The following INPP4B variants were observed in gnomAD, a reference collection of about 807,000 sequenced individuals.
INPP4B encodes inositol polyphosphate 4-phosphatase type II.
Under a neutral mutation model 122.5 loss-of-function variants are expected in INPP4B, and 55 were observed. That is an observed-to-expected ratio of 0.45 (90% confidence interval 0.36 to 0.56). The LOEUF is 0.56. Among genes scored for constraint, INPP4B ranks in the 20% least tolerant of loss-of-function variants. The pLI is 0.00. For missense variants in INPP4B, 1,000 were observed against 1,097.7 expected (o/e 0.91, Z 1.26); for synonymous variants, 403 against 388.7 (o/e 1.04, Z -0.43).
chr4:142,653,514 A>G (rs1753474256), intron 2 of INPP4B, among the ~76,000 whole-genome samples: 1 of 152,226 alleles, frequency 6.6e-6, no homozygotes, highest in African/African-American at 2.4e-5. Context: ...AAAGAACTCC[A>G]ACAAATTTAC....
At chr4:142,347,835 A>G (rs1561903605) in intron 7 of INPP4B, among the ~76,000 whole-genome samples, 2 of 152,008 alleles carry the variant, frequency 1.3e-5, no homozygotes, top group Non-Finnish European at 2.9e-5. Context: ...ACAAATTCTC[A>G]TAAAAATGTT....
In INPP4B at chr4:142,172,150, C is replaced by T. The variant is rs1461511489; in HGVS notation, c.1359+1482G>A. On this transcript the variant is annotated intron_variant, in intron 16 of 25. Coordinates refer to ENST00000262992, the MANE Select transcript of INPP4B (RefSeq NM_001101669.3). ...ATTACTAAGGCATTTGTCTAACAAA[C>T]ATTTTTAAAAAAAAACTTTTAAATA... Among the ~76,000 whole-genome samples the T allele has an allele frequency of 2.0e-5, 3 of 151,854 alleles. No homozygotes were observed. The East Asian group carries it at 5.8e-4, about 29-fold the overall frequency.
At chr4:142,595,604 A>T (rs1005471043) in intron 2 of INPP4B, among the ~76,000 whole-genome samples, 1 of 152,038 alleles carries the variant, frequency 6.6e-6, no homozygotes, top group Non-Finnish European at 1.5e-5. Context: ...ACTATTTTTT[A>T]TTTTACTTTG....
chr4:142,443,273 C>T (rs970842175), intron 3 of INPP4B, among the ~76,000 whole-genome samples: 1 of 152,096 alleles, frequency 6.6e-6, no homozygotes, highest in African/African-American at 2.4e-5. Context: ...ACCCAAATGC[C>T]CATGAGAATG....
intron 1 of INPP4B, among the ~76,000 whole-genome samples, chr4:142,838,289 T>C (rs913692075): frequency 1.3e-5 from 2 of 152,058 alleles, no homozygotes. Flanking sequence ...TTCTGACTCT[T>C]TGGGCTTTTC....
intron 1 of INPP4B, among the ~76,000 whole-genome samples, chr4:142,778,034 A>G (rs973738676): frequency 6.6e-6 from 1 of 152,172 alleles, no homozygotes; most frequent in Non-Finnish European, 1.5e-5. Flanking sequence ...GTAACTGCAC[A>G]GGTCTCAAAA....
intron 23 of INPP4B, among the ~76,000 whole-genome samples, chr4:142,098,801 GAAGA>G (rs1294758746): frequency 2.0e-5 from 3 of 152,076 alleles, no homozygotes; most frequent in Non-Finnish European, 4.4e-5. Flanking sequence ...AGAGTTTAAG[GAAGA>G]GAGATGGGCT....
At chr4:142,675,911 G>C (rs934403372) in intron 2 of INPP4B, among the ~76,000 whole-genome samples, 2 of 152,116 alleles carry the variant, frequency 1.3e-5, no homozygotes, top group Non-Finnish European at 2.9e-5. Context: ...GCAAAAACTG[G>C]AAGTATTCCC....
At chr4:142,127,518 G>C (rs945252706) in intron 18 of INPP4B, among the ~76,000 whole-genome samples, 6 of 151,746 alleles carry the variant, frequency 4.0e-5, no homozygotes, top group Admixed American at 3.9e-4. Flanking sequence ...TAGATTGGAA[G>C]TGGAAACCCA....
chr4:142,116,301 A>T (rs562319394), intron 21 of INPP4B, among the ~76,000 whole-genome samples: 1 of 152,302 alleles, frequency 6.6e-6, no homozygotes, highest in South Asian at 2.1e-4. Context: ...TCAGCTCTGC[A>T]CCAAGCAGAC....
intron 3 of INPP4B, among the ~76,000 whole-genome samples, chr4:142,460,086 A>G (rs988810361): frequency 6.6e-6 from 1 of 152,140 alleles, no homozygotes; most frequent in Non-Finnish European, 1.5e-5. Context: ...AGAACTTGCT[A>G]TATCCAGATA....
intron 2 of INPP4B, among the ~76,000 whole-genome samples, chr4:142,681,509 G>A (rs188806590): frequency 1.3e-5 from 2 of 151,854 alleles, no homozygotes; most frequent in East Asian, 3.9e-4. Flanking sequence ...ATCAAATAAC[G>A]AATTTAAAAG....
At chr4:142,124,981 A>G (rs1342671074) in intron 18 of INPP4B, among the ~76,000 whole-genome samples, 1 of 152,140 alleles carries the variant, frequency 6.6e-6, no homozygotes, top group Non-Finnish European at 1.5e-5. Flanking sequence ...GGATGCATTT[A>G]ACATATTTGC....
chr4:142,327,358 T>C (rs1039890493), intron 7 of INPP4B, among the ~76,000 whole-genome samples: 3 of 152,004 alleles, frequency 2.0e-5, no homozygotes, highest in African/African-American at 7.3e-5. Flanking sequence ...CTTTGATAAC[T>C]GTAGTCAAAA....
At chr4:142,101,824 A>G (rs1445573896) in intron 23 of INPP4B, among the ~76,000 whole-genome samples, 10 of 152,158 alleles carry the variant, frequency 6.6e-5, no homozygotes, top group African/African-American at 2.2e-4. Context: ...GAAAAGCATT[A>G]TCACATACTT....
intron 2 of INPP4B, among the ~76,000 whole-genome samples, chr4:142,618,906 A>ATAAC (rs1184229193): frequency 1.9e-4 from 29 of 148,870 alleles, no homozygotes; most frequent in African/African-American, 7.0e-4. Flanking sequence ...AATAAATAAC[A>ATAAC]GCCAAATAAA....
At chr4:142,551,885 CT>C (rs1167992465) in intron 2 of INPP4B, among the ~76,000 whole-genome samples, 1 of 152,182 alleles carries the variant, frequency 6.6e-6, no homozygotes, top group Non-Finnish European at 1.5e-5. Context: ...GTTAGAAATA[CT>C]CTAGCTGACA....
intron 2 of INPP4B, among the ~76,000 whole-genome samples, chr4:142,682,323 C>T (rs1467405507): frequency 6.6e-6 from 1 of 151,568 alleles, no homozygotes; most frequent in Non-Finnish European, 1.5e-5. Context: ...AAAACAATAC[C>T]TACTCAATCT....
At chr4:142,741,184 T>C (rs975648653) in intron 1 of INPP4B, among the ~76,000 whole-genome samples, 10 of 152,010 alleles carry the variant, frequency 6.6e-5, no homozygotes, top group Non-Finnish European at 1.3e-4. Context: ...CTGGGTAATT[T>C]ATACAGAAAA....
Sources: allele counts gnomAD v4.1 joint callset (sites outside exome capture counted in the v4.1 genomes callset), GRCh38; gene constraint gnomAD v4.1.1; transcripts MANE v1.5; gene names NCBI Gene and HGNC (gene_info 2026-07-23, HGNC 2026-07-21).